The following SYNPR variants were observed in gnomAD, a reference collection of about 807,000 sequenced individuals.
The protein encoded by SYNPR is synaptoporin.
SYNPR carries 23 observed loss-of-function variants against 32.9 expected under a neutral mutation model. The observed-to-expected ratio is 0.70, with a 90% CI of 0.50 to 0.99. SYNPR has a LOEUF of 0.99. SYNPR is among the 50% of genes least tolerant of loss of function. The probability of loss-of-function intolerance (pLI) is 0.00; values close to 1 mark genes in which losing one functional copy is unlikely to be tolerated. For missense variants in SYNPR, 318 were observed against 349.3 expected, an observed-to-expected ratio of 0.91 and a Z score of 0.71; for synonymous variants, 146 against 135.9, an observed-to-expected ratio of 1.07 and a Z score of -0.52.
chr3:63,391,211 C>T (rs4643705), intron 2 of SYNPR, among the ~76,000 whole-genome samples: 57,890 of 151,988 alleles, frequency 0.38, 11,260 homozygotes, highest in Middle Eastern at 0.47. Context: ...CCTGGTCCCT[C>T]CCTGGGGGCC....
At chr3:63,262,117 A>G (rs5849543) in intron 2 of SYNPR, among the ~76,000 whole-genome samples, 11,855 of 151,356 alleles carry the variant, frequency 0.078, 1,343 homozygotes, top group African/African-American at 0.25. Flanking sequence ...CAAAAAAAAA[A>G]CCATTTTACA....
At chr3:63,248,546 G>A (rs1402672162) in intron 1 of SYNPR, among the ~76,000 whole-genome samples, 3 of 152,072 alleles carry the variant, frequency 2.0e-5, no homozygotes, top group East Asian at 1.9e-4. Context: ...CTACAGAATC[G>A]AGGTGTTGAG....
At chr3:63,436,439 T>C (rs1575643005) in intron 2 of SYNPR, among the ~76,000 whole-genome samples, 1 of 151,346 alleles carries the variant, frequency 6.6e-6, no homozygotes, top group Non-Finnish European at 1.5e-5. Flanking sequence ...GGTGTTTGGT[T>C]TTTTGTCCTT....
chr3:63,301,151 C>T, intron 2 of SYNPR, among the ~76,000 whole-genome samples: 1 of 152,072 alleles, frequency 6.6e-6, no homozygotes, highest in East Asian at 1.9e-4. Flanking sequence ...AATGAGAATA[C>T]TAATCTTTCC....
At chr3:63,437,345 C>T (rs913980651) in intron 2 of SYNPR, among the ~76,000 whole-genome samples, 5 of 152,066 alleles carry the variant, frequency 3.3e-5, no homozygotes, top group African/African-American at 4.8e-5. Context: ...CGTTTACAAG[C>T]GCCCAATTTT....
At chr3:63,258,974 A>G (rs2086413670) in intron 2 of SYNPR, among the ~76,000 whole-genome samples, 1 of 152,236 alleles carries the variant, frequency 6.6e-6, no homozygotes, top group Admixed American at 6.5e-5. Context: ...AAAATCTAGA[A>G]GAAATGGATA....
intron 2 of SYNPR, among the ~76,000 whole-genome samples, chr3:63,320,101 C>A (rs1365239034): frequency 1.3e-5 from 2 of 151,960 alleles, no homozygotes; most frequent in Non-Finnish European, 2.9e-5. Flanking sequence ...AGATGTGCAG[C>A]ACCATACCTG....
chr3:63,560,235 T>C (rs748473375), intron 4 of SYNPR, among the ~76,000 whole-genome samples: 2 of 152,188 alleles, frequency 1.3e-5, no homozygotes, highest in Non-Finnish European at 2.9e-5. Context: ...ACTTGGCAGA[T>C]AAAGTTAATT....
chr3:63,536,813 T>C (rs928462611), intron 3 of SYNPR, among the ~76,000 whole-genome samples: 4 of 152,134 alleles, frequency 2.6e-5, no homozygotes, highest in Admixed American at 2.6e-4. Context: ...AAAGTACTGA[T>C]ACATGCAACA....
chr3:63,223,161 A>G, the SYNPR span, among the ~76,000 whole-genome samples: 1 of 151,888 alleles, frequency 6.6e-6, no homozygotes, highest in East Asian at 1.9e-4. Context: ...TGTCCACTCC[A>G]TTTCATTGGC....
chr3:63,261,180 T>G (rs1334545113), intron 2 of SYNPR, among the ~76,000 whole-genome samples: 2 of 152,070 alleles, frequency 1.3e-5, no homozygotes, highest in African/African-American at 4.8e-5. Flanking sequence ...GCTTTAGAAC[T>G]AGAAATACCA....
intron 2 of SYNPR, among the ~76,000 whole-genome samples, chr3:63,356,975 G>A (rs984427256): frequency 6.6e-6 from 1 of 152,150 alleles, no homozygotes; most frequent in Non-Finnish European, 1.5e-5. Context: ...GAACTTGGGC[G>A]ACATATTTAA....
chr3:63,587,954 A>G (rs186116607), intron 4 of SYNPR, among the ~76,000 whole-genome samples: 2 of 152,164 alleles, frequency 1.3e-5, no homozygotes, highest in African/African-American at 2.4e-5. Context: ...GTTTGAAAAA[A>G]TTTCCCATAG....
chr3:63,585,454 C>CA (rs1046190779), intron 4 of SYNPR, among the ~76,000 whole-genome samples: 4 of 109,142 alleles, frequency 3.7e-5, no homozygotes, highest in Admixed American at 1.6e-4. Context: ...TCCATGCCCC[C>CA]CCCCTCCGCC....
chr3:63,599,024 G>A (rs1325083145), intron 4 of SYNPR, among the ~76,000 whole-genome samples: 2 of 152,150 alleles, frequency 1.3e-5, no homozygotes, highest in Non-Finnish European at 2.9e-5. Context: ...TAACACAAAT[G>A]AGAAAGTTAT....
At position 63,494,488 on chromosome 3, in the gene SYNPR, CAT is replaced by C. The variant is rs1231512982; in HGVS notation, c.209+13540_209+13541del. Among the ~76,000 whole-genome samples, 523 of 116,396 alleles carry C rather than the reference CAT, an allele frequency of 4.5e-3. 7 individuals are homozygous for C. Among genetic ancestry groups the C allele is most frequent in the African/African-American group, 0.016 (495 of 31,220 alleles). 76.4% of individuals were successfully genotyped at this position (116,396 alleles called of 152,430 possible). A position where few individuals can be genotyped will look rare whatever the true frequency, so the allele number is the denominator to read the frequency against. ...ATATACACATATATACATATATATA[CAT>C]ATATATACATATATACATATATACA... On this transcript the variant is annotated intron_variant, in intron 3 of 5. Coordinates refer to ENST00000478300, the MANE Select transcript of SYNPR (RefSeq NM_001130003.2).
chr3:63,515,211 A>C (rs1221997527), intron 3 of SYNPR, among the ~76,000 whole-genome samples: 1 of 152,002 alleles, frequency 6.6e-6, no homozygotes, highest in African/African-American at 2.4e-5. Context: ...AACATCTGCG[A>C]GCTTATGATA....
At chr3:63,400,592 A>G (rs981144296) in intron 2 of SYNPR, among the ~76,000 whole-genome samples, 3 of 152,246 alleles carry the variant, frequency 2.0e-5, no homozygotes, top group African/African-American at 7.2e-5. Flanking sequence ...GGAGGAAGCC[A>G]CAGTGCCTTT....
chr3:63,610,518 G>T (rs1700183560), intron 5 of SYNPR: 2 of 700,006 alleles, frequency 2.9e-6, no homozygotes, highest in South Asian at 1.5e-5. Flanking sequence ...AGAGAGAAAG[G>T]GTTGCTACTC....
Sources: allele counts gnomAD v4.1 joint callset (sites outside exome capture counted in the v4.1 genomes callset), GRCh38; gene constraint gnomAD v4.1.1; transcripts MANE v1.5; gene names NCBI Gene and HGNC (gene_info 2026-07-23, HGNC 2026-07-21).